Variants in KAT6B observed in about 807,000 individuals in gnomAD.
KAT6B encodes lysine acetyltransferase 6B, also known as histone acetyltransferase KAT6B.
In KAT6B, 10 loss-of-function variants were observed where a neutral mutation model predicts 187.5. The observed-to-expected ratio is 0.05, with a 90% CI of 0.03 to 0.09. KAT6B has a LOEUF of 0.09. Among genes scored for constraint, KAT6B ranks in the 10% least tolerant of loss-of-function variants. The pLI is 1.00. For missense variants in KAT6B, 1,952 were observed against 2,558.9 expected, an observed-to-expected ratio of 0.76 and a Z score of 5.12; for synonymous variants, 861 against 926.8, an observed-to-expected ratio of 0.93 and a Z score of 1.29.
chr10:74,838,361 T>TTTTTG (rs1321032549), intron 1 of KAT6B, among the ~76,000 whole-genome samples: 1 of 152,158 alleles, frequency 6.6e-6, no homozygotes, highest in Non-Finnish European at 1.5e-5. Flanking sequence ...TGGGTTTTTG[T>TTTTTG]TTTTGTTTTG....
intron 17 of KAT6B, 179 bp downstream of exon 17, chr10:75,025,428 T>A: frequency 1.6e-6 from 1 of 618,882 alleles, no homozygotes; most frequent in East Asian, 2.9e-5. Context: ...CTTCCTGGAA[T>A]TGGATTTTAT....
intron 8 of KAT6B, 168 bp downstream of exon 8, chr10:74,976,498 GCTGACTAAAC>G: frequency 1.5e-6 from 1 of 680,424 alleles, no homozygotes; most frequent in Non-Finnish European, 2.6e-6. Flanking sequence ...TTTTTCTAAT[GCTGACTAAAC>G]CTCCAAAATG....
At chr10:74,861,451 C>T (rs1843181627) in intron 3 of KAT6B, among the ~76,000 whole-genome samples, 1 of 152,200 alleles carries the variant, frequency 6.6e-6, no homozygotes. Flanking sequence ...ATGAGGCAGG[C>T]ACTACTTCAA....
intron 13 of KAT6B, among the ~76,000 whole-genome samples, chr10:74,998,605 A>G (rs1843618018): frequency 6.6e-6 from 1 of 152,244 alleles, no homozygotes; most frequent in Non-Finnish European, 1.5e-5. Context: ...TGGCACATCC[A>G]TATAATGGAA....
intron 16 of KAT6B, 23 bp downstream of exon 16, chr10:75,022,254 TG>T: frequency 6.2e-7 from 1 of 1,612,872 alleles, no homozygotes; most frequent in Non-Finnish European, 8.5e-7. Context: ...TTAGATTTTC[TG>T]TGAGTCGCGT....
At chr10:74,918,634 T>C (rs1348995213) in intron 3 of KAT6B, among the ~76,000 whole-genome samples, 1 of 151,984 alleles carries the variant, frequency 6.6e-6, no homozygotes, top group South Asian at 2.1e-4. Flanking sequence ...TCCCAGCTAC[T>C]TGGGAGGCTG....
intron 3 of KAT6B, among the ~76,000 whole-genome samples, chr10:74,888,313 A>G (rs1385405082): frequency 2.6e-5 from 4 of 152,240 alleles, no homozygotes; most frequent in Non-Finnish European, 4.4e-5. Flanking sequence ...AATATAATTA[A>G]AAAACAAATA....
intron 9 of KAT6B, 25 bp from the exon 10 acceptor site, chr10:74,979,198 AT>A: frequency 2.0e-6 from 3 of 1,498,070 alleles, no homozygotes; most frequent in Non-Finnish European, 2.8e-6. Context: ...ATATATTATT[AT>A]TTTCCTTTTC....
intron 3 of KAT6B, among the ~76,000 whole-genome samples, chr10:74,952,846 A>ATTTTTTTTTT (rs34687036): frequency 1.9e-3 from 168 of 90,518 alleles, no homozygotes; most frequent in Middle Eastern, 7.6e-3. Flanking sequence ...TGCCTGGCTA[A>ATTTTTTTTTT]TTTTTTTTTT....
intron 1 of KAT6B, among the ~76,000 whole-genome samples, chr10:74,837,645 T>C (rs1841402359): frequency 6.6e-6 from 1 of 152,202 alleles, no homozygotes; most frequent in South Asian, 2.1e-4. Context: ...TAGATACTGC[T>C]TAGGCTAAAA....
At chr10:74,919,382 G>A (rs1021632909) in intron 3 of KAT6B, among the ~76,000 whole-genome samples, 11 of 151,914 alleles carry the variant, frequency 7.2e-5, no homozygotes, top group Non-Finnish European at 1.3e-4. Flanking sequence ...TTCACATACT[G>A]TTTGTGCTTC....
chr10:74,988,868 A>T, intron 12 of KAT6B, 151 bp from the exon 13 acceptor site: 4 of 700,572 alleles, frequency 5.7e-6, no homozygotes, highest in East Asian at 2.6e-5. Flanking sequence ...TGATAGTTTG[A>T]TTGATTAATA....
chr10:74,881,381 G>A lies in KAT6B; in HGVS notation c.621+37903G>A, dbSNP rs1844841222. 5.3e-5 allele frequency among the ~76,000 whole-genome samples: 8 copies of A among 152,238 alleles called. 1 individual carries two copies. The South Asian group carries it at 1.2e-3, about 24-fold the overall frequency. ...TAAGGTTGTTGTGAGGCTTCACTGA[G>A]GTAATCTGTATAAAGTAAGGTGCTG... is the stretch of plus-strand genomic sequence containing the variant. On this transcript the variant is annotated intron_variant, in intron 3 of 17. Transcript: ENST00000287239.
intron 13 of KAT6B, among the ~76,000 whole-genome samples, chr10:74,993,724 G>A (rs372167744): frequency 1.3e-5 from 2 of 151,974 alleles, no homozygotes; most frequent in Non-Finnish European, 2.9e-5. Flanking sequence ...GCTTTGCTTC[G>A]TGTTTTCCAT....
At chr10:74,858,326 C>G (rs1310030347) in intron 3 of KAT6B, among the ~76,000 whole-genome samples, 1 of 146,992 alleles carries the variant, frequency 6.8e-6, no homozygotes. Flanking sequence ...ACTTTGTTGC[C>G]CAGGCTGGAA....
chr10:74,830,731 CATATATATATATATAT>C (rs1198969374), intron 1 of KAT6B, among the ~76,000 whole-genome samples: 62 of 17,206 alleles, frequency 3.6e-3, no homozygotes, highest in Middle Eastern at 0.05. Flanking sequence ...CACAGCTCTT[CATATATATATATATAT>C]ATATATATAT....
At chr10:74,949,860 A>G (rs1840199590) in intron 3 of KAT6B, among the ~76,000 whole-genome samples, 1 of 152,186 alleles carries the variant, frequency 6.6e-6, no homozygotes, top group Admixed American at 6.5e-5. Flanking sequence ...TTTTTATTTT[A>G]TTAGATTTTC....
At chr10:74,960,219 G>T in intron 4 of KAT6B, 141 bp downstream of exon 4, 1 of 709,094 alleles carries the variant, frequency 1.4e-6, no homozygotes, top group South Asian at 1.6e-5. Context: ...AAAAGAAAAA[G>T]TAAGGAATAG....
chr10:74,964,265 T>C (rs1025973578), intron 4 of KAT6B, among the ~76,000 whole-genome samples: 27 of 152,104 alleles, frequency 1.8e-4, no homozygotes, highest in Non-Finnish European at 3.5e-4. Flanking sequence ...TGTGCTTGTC[T>C]GGGTAATAGT....
Sources: gnomAD v4.1 joint callset for allele counts (sites outside exome capture counted in the v4.1 genomes callset) on GRCh38, gnomAD v4.1.1 for gene constraint, MANE v1.5 for transcripts, NCBI Gene and HGNC (gene_info 2026-07-23, HGNC 2026-07-21) for gene names.